NCOA4: variants seen among roughly 807,000 people sequenced by gnomAD.
NCOA4 encodes nuclear receptor coactivator 4.
A neutral mutation model predicts 69.5 loss-of-function variants in NCOA4; 31 were observed. The ratio of observed to expected loss-of-function variants is 0.45; its 90% CI spans 0.34 to 0.60. The LOEUF is 0.60. Among genes scored for constraint, NCOA4 ranks in the 20% least tolerant of loss-of-function variants. NCOA4 has a pLI of 0.02. For missense variants in NCOA4, 600 were observed against 719.2 expected (o/e 0.83, Z 1.90); for synonymous variants, 228 against 252.4 (o/e 0.90, Z 0.92).
intron 1 of NCOA4, chr10:46,019,332 A>G (rs1462372922): frequency 5.1e-6 from 5 of 985,440 alleles, no homozygotes; most frequent in South Asian, 4.7e-5. Flanking sequence ...CCTGTATCAC[A>G]TGGGTGAAAT....
intron 7 of NCOA4, among the ~76,000 whole-genome samples, chr10:46,012,070 G>GAAAAAACAAAAAAAAAAAAA (rs1839248575): frequency 2.2e-5 from 1 of 44,524 alleles, no homozygotes; most frequent in Non-Finnish European, 4.1e-5. Context: ...CAAAAAGAAA[G>GAAAAAACAAAAAAAAAAAAA]AAAAAAAAAA....
intron 2 of NCOA4, 94 bp downstream of exon 2, chr10:46,016,446 T>G: frequency 8.2e-7 from 1 of 1,214,666 alleles, no homozygotes; most frequent in East Asian, 2.8e-5. Context: ...GGGTGAAATT[T>G]TTTGCTGGCA....
At chr10:46,027,632 T>C in intron 1 of NCOA4, 1 of 683,478 alleles carries the variant, frequency 1.5e-6, no homozygotes, top group South Asian at 2.0e-5. Context: ...TCTACAGTTC[T>C]TCCATGAAAC....
At chr10:46,012,048 A>AAG (rs1340492671) in intron 7 of NCOA4, among the ~76,000 whole-genome samples, 1 of 142,150 alleles carries the variant, frequency 7.0e-6, no homozygotes, top group Non-Finnish European at 1.5e-5. Context: ...GAGACAGAGC[A>AAG]AGACTCGGTC....
chr10:46,022,487 A>G (rs1379861841), intron 1 of NCOA4: 2 of 459,506 alleles, frequency 4.4e-6, no homozygotes, highest in Admixed American at 2.4e-5. Context: ...TTGTTTTGAG[A>G]CGGAGTCTAG....
At chr10:46,007,815 C>G (rs1176678071) in intron 9 of NCOA4, among the ~76,000 whole-genome samples, 1 of 152,032 alleles carries the variant, frequency 6.6e-6, no homozygotes, top group African/African-American at 2.4e-5. Flanking sequence ...TGTTAAACTC[C>G]TTGGCTCAAG....
At position 46,013,831 on chromosome 10, in the gene NCOA4, C is replaced by A. The variant is rs564486584; in HGVS notation, c.481-192G>T. On this transcript the variant is annotated intron_variant, in intron 5 of 9. Coordinates refer to ENST00000581486, the MANE Select transcript of NCOA4 (RefSeq NM_001145263.2). ...ACCACATAACTATTATATAAAAAATCTTTACCAGAATTGGTTGTATTACCA... is the reference window on the plus strand; with the variant it reads ...ACCACATAACTATTATATAAAAAATATTTACCAGAATTGGTTGTATTACCA... Among the ~76,000 whole-genome samples the A allele has an allele frequency of 2.5e-3, 373 of 152,228 alleles. 2 individuals are homozygous for A. The highest frequency in any genetic ancestry group is 4.2e-3 in the Non-Finnish European group (288 of 68,000).
chr10:46,007,400 T>C (rs1426207362), intron 9 of NCOA4, among the ~76,000 whole-genome samples: 2 of 152,210 alleles, frequency 1.3e-5, no homozygotes, highest in Non-Finnish European at 2.9e-5. Context: ...TAGCAAGTTA[T>C]CCAGAATATC....
At chr10:46,022,625 C>T (rs1283008276) in intron 1 of NCOA4, 5 of 322,204 alleles carry the variant, frequency 1.6e-5, no homozygotes, top group Non-Finnish European at 2.6e-5. Flanking sequence ...CCGCCACGCC[C>T]GGCTAATTTT....
intron 1 of NCOA4, among the ~76,000 whole-genome samples, chr10:46,021,014 C>A (rs1554924248): frequency 6.6e-6 from 1 of 152,144 alleles, no homozygotes; most frequent in Admixed American, 6.5e-5. Flanking sequence ...ACACACATAC[C>A]CTTCAAACGA....
In NCOA4 at chr10:46,009,442, T is replaced by A. The variant is rs769497291; in HGVS notation, c.1808A>T (p.Lys603Ile). ...LFACMQLKVD[K>I]EKWLYRTPLQ... ...AGGAGTTCGATATAACCACTTCTCTTTATCAACTTTAAGCTGCATACAGGC... is the reference window on the plus strand; with the variant it reads ...AGGAGTTCGATATAACCACTTCTCTATATCAACTTTAAGCTGCATACAGGC... The change falls in exon 9 of 10, where the codon AAA (lysine) becomes ATA (isoleucine). Residue 603 changes from lysine to isoleucine, a missense_variant. Transcript: ENST00000581486. The A allele has an allele frequency of 1.9e-6, 3 of 1,612,962 alleles. No individual in the cohort carries two copies. The highest frequency in any genetic ancestry group is 2.5e-6 in the Non-Finnish European group (3 of 1,179,966).
chr10:46,018,244 C>G (rs939986340), intron 1 of NCOA4, among the ~76,000 whole-genome samples: 1 of 152,126 alleles, frequency 6.6e-6, no homozygotes, highest in Non-Finnish European at 1.5e-5. Context: ...GTGACAGAAA[C>G]AGATCCCAAA....
intron 1 of NCOA4, among the ~76,000 whole-genome samples, chr10:46,024,416 T>C (rs1554925111): frequency 6.6e-6 from 1 of 152,208 alleles, no homozygotes; most frequent in Non-Finnish European, 1.5e-5. Flanking sequence ...CGTCACCTAC[T>C]TAACCAACGG....
Position 46,022,548 on chromosome 10 carries a change from C to A in NCOA4, c.-14-5854G>T, listed in dbSNP as rs782471161. On this transcript the variant is annotated intron_variant, in intron 1 of 9. Coordinates refer to ENST00000581486, the MANE Select transcript of NCOA4 (RefSeq NM_001145263.2). ...TGGCGCGATCTCACTGCAAGCTCCA[C>A]CTCCCGGCTTCATACCATTCTCCTG... The A allele has an allele frequency of 4.4e-5, 19 of 431,654 alleles. 1 individual carries two copies. Among genetic ancestry groups the A allele is most frequent in the South Asian group, 3.1e-4 (18 of 57,356 alleles). The allele number at this position is 431,654 out of a possible 1,614,324, so 26.7% of individuals were successfully genotyped here. A position where few individuals can be genotyped will look rare whatever the true frequency, so the allele number is the denominator to read the frequency against.
chr10:46,006,720 C>G (rs1349785575), intron 9 of NCOA4, 123 bp from the exon 10 acceptor site: 1 of 912,596 alleles, frequency 1.1e-6, no homozygotes, highest in Admixed American at 1.9e-5. Flanking sequence ...GTATTTTTTA[C>G]AAATTAAGCA....
At position 46,010,487 on chromosome 10, in the gene NCOA4, A is replaced by G; in HGVS notation, c.1434T>C (p.Thr478=). The G allele has an allele frequency of 1.2e-6, 2 of 1,614,176 alleles. No individual in the cohort carries two copies. Among genetic ancestry groups the G allele is most frequent in the Non-Finnish European group, 1.7e-6 (2 of 1,180,040 alleles). The change falls in exon 8 of 10, where the codon ACT becomes ACC. Residue 478 remains threonine, a synonymous_variant. Transcript: ENST00000581486. ...IEQTKAPKAM[T]PSRIADSFQV... is the part of the protein sequence containing the mutation. Reference sequence around the variant, plus strand: ...GGAAGGAATCAGCAATTCTAGAAGGAGTCATTGCCTTTGGTGCTTTAGTTT... The same window carrying G: ...GGAAGGAATCAGCAATTCTAGAAGGGGTCATTGCCTTTGGTGCTTTAGTTT...
chr10:46,014,425 A>G lies in NCOA4; in HGVS notation c.480+19T>C, dbSNP rs941992992. 6.5e-7 allele frequency: 1 copy of G among 1,543,394 alleles called. No homozygotes were observed. The highest frequency in any genetic ancestry group is 8.9e-7 in the Non-Finnish European group (1 of 1,118,740). ...CACAGATATGAGAAGTGCCCAGTGA[A>G]GCATATGAGATTACTCACAATGGTT... On this transcript the variant is annotated intron_variant, in intron 5 of 9. Coordinates refer to ENST00000581486, the MANE Select transcript of NCOA4 (RefSeq NM_001145263.2).
chr10:46,027,660 A>G (rs1840237413), intron 1 of NCOA4: 2 of 607,918 alleles, frequency 3.3e-6, no homozygotes, highest in Admixed American at 3.0e-5. Flanking sequence ...AACCCAATGC[A>G]TACATACTGG....
chr10:46,010,073 CAG>C (rs1554920787), intron 8 of NCOA4, 148 bp downstream of exon 8: 1 of 954,814 alleles, frequency 1.0e-6, no homozygotes, highest in African/African-American at 1.7e-5. Flanking sequence ...GTAGTGCGGG[CAG>C]GGGGATGGCT....
Sources: allele counts gnomAD v4.1 joint callset (sites outside exome capture counted in the v4.1 genomes callset), GRCh38; gene constraint gnomAD v4.1.1; transcripts MANE v1.5; gene names NCBI Gene and HGNC (gene_info 2026-07-23, HGNC 2026-07-21).